Variants in ARAP2 observed in about 807,000 individuals in gnomAD.
ARAP2 encodes the protein arf-GAP with Rho-GAP domain, ANK repeat and PH domain-containing protein 2.
Under a neutral mutation model 194.5 loss-of-function variants are expected in ARAP2, and 148 were observed. The ratio of observed to expected loss-of-function variants is 0.76; its 90% CI spans 0.67 to 0.87. The LOEUF (loss-of-function observed/expected upper bound fraction) is 0.87. Ranked by LOEUF, ARAP2 falls within the 40% of genes least tolerant of loss-of-function variation. The pLI is 0.00. For missense variants in ARAP2, 2,128 were observed against 1,989.7 expected, an observed-to-expected ratio of 1.07 and a Z score of -1.32; for synonymous variants, 695 against 683.5, an observed-to-expected ratio of 1.02 and a Z score of -0.26.
intron 21 of ARAP2, among the ~76,000 whole-genome samples, chr4:36,126,446 CAT>C (rs751703750): frequency 1.1e-4 from 16 of 151,926 alleles, no homozygotes; most frequent in Non-Finnish European, 1.9e-4. Context: ...TTCAACGAAA[CAT>C]ATAAGTTAAC....
At chr4:36,118,303 A>T (rs898049386) in intron 24 of ARAP2, among the ~76,000 whole-genome samples, 2 of 150,666 alleles carry the variant, frequency 1.3e-5, no homozygotes, top group African/African-American at 4.8e-5. Flanking sequence ...AAAAAAAAAA[A>T]AAACTTAAAA....
chr4:36,188,131 C>G (rs1740987396), intron 7 of ARAP2, among the ~76,000 whole-genome samples: 1 of 152,092 alleles, frequency 6.6e-6, no homozygotes, highest in Non-Finnish European at 1.5e-5. Context: ...ACAGATTTTT[C>G]TGTTTCCAAA....
At chr4:36,034,257 G>T (rs1405180581) in intron 5 of ARAP2, among the ~76,000 whole-genome samples, 6 of 152,102 alleles carry the variant, frequency 3.9e-5, no homozygotes, top group Non-Finnish European at 8.8e-5. Flanking sequence ...GAATGATATT[G>T]ATTCTTCCTA....
At chr4:36,064,345 A>G (rs1725029799), downstream of ARAP2, among the ~76,000 whole-genome samples, 1 of 151,742 alleles carries the variant, frequency 6.6e-6, no homozygotes. Flanking sequence ...TCCTATTCCC[A>G]GCCACACCCA....
At chr4:36,138,597 T>G (rs187354706) in intron 19 of ARAP2, among the ~76,000 whole-genome samples, 27 of 151,864 alleles carry the variant, frequency 1.8e-4, no homozygotes, top group Admixed American at 1.2e-3. Context: ...CCATACTCTG[T>G]TAACACATTC....
At chr4:36,189,755 T>C (rs549528734) in intron 7 of ARAP2, among the ~76,000 whole-genome samples, 2 of 152,328 alleles carry the variant, frequency 1.3e-5, no homozygotes, top group Admixed American at 1.3e-4. Flanking sequence ...TCTCTTCCTT[T>C]CTTATCTATT....
chr4:36,093,787 G>A (rs1280602350), intron 27 of ARAP2, among the ~76,000 whole-genome samples: 2 of 152,126 alleles, frequency 1.3e-5, no homozygotes, highest in African/African-American at 4.8e-5. Context: ...TCCGTTTGGA[G>A]TCCCCAGTGT....
At chr4:36,009,606 C>A (rs1305647818) in intron 9 of ARAP2, among the ~76,000 whole-genome samples, 2 of 152,010 alleles carry the variant, frequency 1.3e-5, no homozygotes, top group Non-Finnish European at 2.9e-5. Context: ...ACACAATATA[C>A]CTTTGTATCA....
At chr4:36,212,270 G>GA in intron 5 of ARAP2, 126 bp downstream of exon 5, 3 of 700,712 alleles carry the variant, frequency 4.3e-6, no homozygotes, top group South Asian at 2.8e-5. Context: ...ATTTAGAGAG[G>GA]AAAAAATTGA....
rs1200849614 is a variant in ARAP2 at position 36,066,296 on chromosome 4, C to A, written c.*1611G>T. On this transcript the variant is annotated 3_prime_UTR_variant, in exon 33 of 33. Coordinates refer to ENST00000303965, the MANE Select transcript of ARAP2 (RefSeq NM_015230.4). ...AAGATTAGTTTTTCTTTCTAAATAACATGATTTCTTGCTTTAAAGGAAGAT... is the reference window on the plus strand; with the variant it reads ...AAGATTAGTTTTTCTTTCTAAATAAAATGATTTCTTGCTTTAAAGGAAGAT... The A allele has an allele frequency of 6.6e-6, 1 of 152,064 alleles. No individual in the cohort carries two copies. Among genetic ancestry groups the A allele is most frequent in the Non-Finnish European group, 1.5e-5 (1 of 67,988 alleles). The allele number at this position is 152,064 out of a possible 1,614,324, so 9.4% of individuals were successfully genotyped here. A position where few individuals can be genotyped will look rare whatever the true frequency, so the allele number is the denominator to read the frequency against.
chr4:36,229,174 C>A lies in ARAP2; in HGVS notation c.313G>T (p.Glu105Ter). 6.2e-7 allele frequency: 1 copy of A among 1,614,096 alleles called. No homozygotes were observed. The highest frequency in any genetic ancestry group is 8.5e-7 in the Non-Finnish European group (1 of 1,180,004). Residue 105 changes from glutamate to a stop codon, truncating the protein, a stop_gained, in exon 2 of 33, where the codon GAA (glutamate) becomes TAA (stop). Coordinates refer to ENST00000303965, the MANE Select transcript of ARAP2 (RefSeq NM_015230.4). LOFTEE classifies it high-confidence loss of function. ...TGAACACTACCAGAATTGGAAAGTTCTATGCAGATATTCTGATCAGAAGAT... is the reference window on the plus strand; with the variant it reads ...TGAACACTACCAGAATTGGAAAGTTATATGCAGATATTCTGATCAGAAGAT... ...VPSSDQNICI[E>*]LSNSGSVQTS...
At chr4:36,234,134 C>G (rs1318570480) in intron 1 of ARAP2, among the ~76,000 whole-genome samples, 2 of 152,198 alleles carry the variant, frequency 1.3e-5, no homozygotes, top group African/African-American at 4.8e-5. Context: ...TTCACTCCAT[C>G]ATAAAGTCGA....
At chr4:36,242,315 A>G (rs990663187) in intron 1 of ARAP2, among the ~76,000 whole-genome samples, 1 of 152,214 alleles carries the variant, frequency 6.6e-6, no homozygotes, top group Non-Finnish European at 1.5e-5. Context: ...CAAGAAATGT[A>G]TCAATAAATA....
In ARAP2 at chr4:36,160,488, C is replaced by A. The variant is rs753978858; in HGVS notation, c.2413G>T (p.Ala805Ser). The change falls in exon 13 of 33, where the codon GCA becomes TCA. Residue 805 changes from alanine (A) to serine (S), a missense_variant. Ala to Ser is a moderately conservative substitution (Grantham distance 99). Coordinates refer to ENST00000303965, the MANE Select transcript of ARAP2 (RefSeq NM_015230.4). Reference sequence around the variant, plus strand: ...TTTAATTCTTCTTTGGTGAGAGATGCCAAAAGAGTTTTTCTGAATTTTCCT... The same window carrying A: ...TTTAATTCTTCTTTGGTGAGAGATGACAAAAGAGTTTTTCTGAATTTTCCT... ...KEGKFRKTLL[A>S]SLTKEELNKA... is the part of the protein sequence containing the mutation. 1.9e-6 allele frequency: 3 copies of A among 1,562,712 alleles called. No individual in the cohort carries two copies. Among genetic ancestry groups the A allele is most frequent in the Non-Finnish European group, 2.6e-6 (3 of 1,161,154 alleles).
chr4:36,209,972 CAAT>C (rs1282967826), intron 6 of ARAP2, among the ~76,000 whole-genome samples: 4 of 152,152 alleles, frequency 2.6e-5, no homozygotes. Flanking sequence ...TCCCTAACAA[CAAT>C]AAGCCTTGTA....
rs528206150 is a variant in ARAP2 at position 36,116,030 on chromosome 4, G to A, written c.4038+1031C>T. 3.3e-5 allele frequency among the ~76,000 whole-genome samples: 5 copies of A among 152,002 alleles called. No individual in the cohort carries two copies. In the South Asian group the frequency reaches 1.0e-3, roughly 32 times the overall value. On this transcript the variant is annotated intron_variant, in intron 25 of 32. Coordinates refer to ENST00000303965, the MANE Select transcript of ARAP2 (RefSeq NM_015230.4). The stretch of plus-strand genomic sequence containing the variant: ...CTTCTCCAGCATTAGTGATGAACTT[G>A]TGCTAATTGGTCTTTACTAGTTCCT...
chr4:36,209,768 T>C (rs1251554974), intron 6 of ARAP2, among the ~76,000 whole-genome samples: 1 of 152,210 alleles, frequency 6.6e-6, no homozygotes, highest in African/African-American at 2.4e-5. Flanking sequence ...CAATTCTAAT[T>C]AAATATAATC....
chr4:36,193,603 C>T lies in ARAP2; in HGVS notation c.1532G>A (p.Ser511Asn). 1.3e-6 allele frequency: 2 copies of T among 1,596,216 alleles called. No homozygotes were observed. The highest frequency in any genetic ancestry group is 2.3e-5 in the East Asian group (1 of 44,156). The part of the protein sequence containing the change: ...QKRWVKFDGL[S>N]ISYYNNEKEM... Reference sequence around the variant, plus strand: ...CTTCTCATTATTGTAGTAAGAAATGCTAAGGCCATCAAATTTCACCCATCT... The same window carrying T: ...CTTCTCATTATTGTAGTAAGAAATGTTAAGGCCATCAAATTTCACCCATCT... The change falls in exon 7 of 33, where the codon AGC (serine) becomes AAC (asparagine). Residue 511 changes from serine to asparagine, a missense_variant. Ser to Asn is a conservative substitution (Grantham distance 46). Coordinates refer to ENST00000303965, the MANE Select transcript of ARAP2 (RefSeq NM_015230.4).
At chr4:36,052,465 A>G (rs1722824882) in intron 2 of ARAP2, among the ~76,000 whole-genome samples, 1 of 152,244 alleles carries the variant, frequency 6.6e-6, no homozygotes, top group Non-Finnish European at 1.5e-5. Flanking sequence ...ACATACGAAA[A>G]GGCAGCTTTG....
Sources: allele counts gnomAD v4.1 joint callset (sites outside exome capture counted in the v4.1 genomes callset), GRCh38; gene constraint gnomAD v4.1.1; transcripts MANE v1.5; gene names NCBI Gene and HGNC (gene_info 2026-07-23, HGNC 2026-07-21).